KRT8: variants seen among roughly 807,000 people sequenced by gnomAD.
KRT8 encodes keratin, type II cytoskeletal 8.
KRT8 carries 24 observed loss-of-function variants against 43.0 expected under a neutral mutation model. The ratio of observed to expected loss-of-function variants is 0.56; its 90% CI spans 0.40 to 0.78. The LOEUF is 0.78. Among genes scored for constraint, KRT8 ranks in the 30% least tolerant of loss-of-function variants. KRT8 has a pLI of 0.00. For missense variants in KRT8, 492 were observed against 638.4 expected, an observed-to-expected ratio of 0.77 and a Z score of 2.47; for synonymous variants, 214 against 261.2, an observed-to-expected ratio of 0.82 and a Z score of 1.74.
intron 2 of KRT8, among the ~76,000 whole-genome samples, chr12:52,934,335 C>T (rs1038518137): frequency 1.3e-5 from 2 of 151,550 alleles, no homozygotes; most frequent in East Asian, 2.0e-4. Context: ...ATGAGGTGGG[C>T]GGATCACTTG....
chr12:52,913,872 GTTTT>G (rs960435757), intron 2 of KRT8, among the ~76,000 whole-genome samples: 8 of 152,296 alleles, frequency 5.3e-5, no homozygotes, highest in African/African-American at 1.9e-4. Flanking sequence ...AGGTTTGTTT[GTTTT>G]TTCTTTTATA....
intron 2 of KRT8, among the ~76,000 whole-genome samples, chr12:52,924,050 T>C (rs927310891): frequency 1.1e-4 from 16 of 152,072 alleles, no homozygotes; most frequent in Admixed American, 1.0e-3. Context: ...TTTTACCATG[T>C]TGGCCAGGCT....
Position 52,918,036 on chromosome 12 carries a change from G to A in KRT8, c.-46-13009C>T, listed in dbSNP as rs112658557. Among the ~76,000 whole-genome samples, 22 of 113,184 alleles carry A rather than the reference G, an allele frequency of 1.9e-4. 1 individual carries two copies. Among genetic ancestry groups the A allele is most frequent in the South Asian group, 7.4e-4 (2 of 2,700 alleles). The allele number at this position is 113,184 out of a possible 152,430, so 74.3% of individuals were successfully genotyped here. A position where few individuals can be genotyped will look rare whatever the true frequency, so the allele number is the denominator to read the frequency against. On this transcript the variant is annotated intron_variant, in intron 2 of 6. Coordinates refer to the KRT8 transcript ENST00000546826. Reference sequence around the variant, plus strand: ...AGAAGGAGAAGAAGAAGAGGAGGAGGAGAAGAAGAAGAAGAGGAAGAAGAA... The same window carrying A: ...AGAAGGAGAAGAAGAAGAGGAGGAGAAGAAGAAGAAGAAGAGGAAGAAGAA...
At chr12:52,941,127 C>T (rs990350379) in intron 2 of KRT8, among the ~76,000 whole-genome samples, 5 of 149,056 alleles carry the variant, frequency 3.4e-5, no homozygotes, top group African/African-American at 1.2e-4. Context: ...AGTGCAATGG[C>T]GCGATCTTGG....
At chr12:52,898,210 C>T (rs999839979) in intron 7 of KRT8, among the ~76,000 whole-genome samples, 2 of 152,132 alleles carry the variant, frequency 1.3e-5, no homozygotes, top group African/African-American at 2.4e-5. Context: ...CACATAAAAC[C>T]TGTAGGATAC....
chr12:52,926,332 G>GGCCCCCCCCCCCCCCCCCCCC, intron 2 of KRT8: 1 of 600,278 alleles, frequency 1.7e-6, no homozygotes, highest in East Asian at 3.3e-5. Context: ...GGCACTAGCT[G>GGCCCCCCCCCCCCCCCCCCCC]CCCTCCCCAC....
chr12:52,898,945 C>T (rs1292607743), intron 5 of KRT8, 46 bp from the exon 6 acceptor site: 2 of 1,565,144 alleles, frequency 1.3e-6, no homozygotes, highest in Non-Finnish European at 1.8e-6. Flanking sequence ...GGTATGCCTT[C>T]TCTTCTCCCG....
At chr12:52,910,551 C>T (rs377050159), upstream of KRT8, among the ~76,000 whole-genome samples, 12 of 152,216 alleles carry the variant, frequency 7.9e-5, no homozygotes, top group Non-Finnish European at 1.3e-4. Flanking sequence ...AGAGGACAGA[C>T]ACAAATGGGT....
rs1941267849 is a variant in KRT8, at chr12:52,898,353, T to C, written c.1261+108A>G. ...CCTAGGATTCTCCCAAGAACATGAG[T>C]GCTCAGGCTGAGGTCACTGTGAGCG... On this transcript the variant is annotated intron_variant, in intron 7 of 7. Coordinates refer to ENST00000692008, the Ensembl canonical transcript of KRT8. 5 of 895,104 alleles carry C rather than the reference T, an allele frequency of 5.6e-6. No individual in the cohort carries two copies. The African/African-American group carries it at 8.3e-5, about 15-fold the overall frequency. The allele number at this position is 895,104 out of a possible 1,614,324, so 55.4% of individuals were successfully genotyped here.
At chr12:52,901,077 G>A in intron 3 of KRT8, 82 bp downstream of exon 3, 1 of 1,026,432 alleles carries the variant, frequency 9.7e-7, no homozygotes, top group African/African-American at 1.6e-5. Context: ...AATATTTAGG[G>A]ACAAAACCCA....
At chr12:52,949,372 A>T in intron 2 of KRT8, 2 of 1,610,584 alleles carry the variant, frequency 1.2e-6, no homozygotes, top group Non-Finnish European at 8.5e-7. Flanking sequence ...GGCCACCGGG[A>T]TAGCCGGGGG....
At chr12:52,907,013 C>CA (rs59685896), upstream of KRT8, 6 of 275,778 alleles carry the variant, frequency 2.2e-5, no homozygotes, top group Admixed American at 9.1e-5. Context: ...CACACACACA[C>CA]CCCACACATT....
At chr12:52,919,576 C>T (rs1049470962) in intron 2 of KRT8, among the ~76,000 whole-genome samples, 2 of 151,786 alleles carry the variant, frequency 1.3e-5, no homozygotes, top group Admixed American at 1.3e-4. Flanking sequence ...CCATGGCTTT[C>T]ATTTTCAGGG....
intron 2 of KRT8, among the ~76,000 whole-genome samples, chr12:52,914,414 G>A (rs1232974361): frequency 2.6e-5 from 4 of 152,020 alleles, no homozygotes; most frequent in African/African-American, 7.3e-5. Context: ...GCGCATGCCT[G>A]TAACCCCAGC....
At chr12:52,945,835 G>C (rs1292001480) in intron 2 of KRT8, among the ~76,000 whole-genome samples, 1 of 151,900 alleles carries the variant, frequency 6.6e-6, no homozygotes, top group East Asian at 1.9e-4. Context: ...ACCCTTTCCC[G>C]GGACTGTCCT....
At chr12:52,928,245 T>C (rs1942027221) in intron 2 of KRT8, among the ~76,000 whole-genome samples, 1 of 152,114 alleles carries the variant, frequency 6.6e-6, no homozygotes, top group Non-Finnish European at 1.5e-5. Context: ...GTGTGTCTCC[T>C]CTGAGAGCCC....
At chr12:52,925,534 A>G (rs1465827082) in intron 2 of KRT8, among the ~76,000 whole-genome samples, 2 of 152,060 alleles carry the variant, frequency 1.3e-5, no homozygotes, top group East Asian at 3.9e-4. Context: ...CCCCATTGAT[A>G]CCTGAAGTGT....
chr12:52,912,998 A>G (rs891923389), intron 2 of KRT8, among the ~76,000 whole-genome samples: 3 of 152,236 alleles, frequency 2.0e-5, no homozygotes, highest in Non-Finnish European at 4.4e-5. Context: ...AGGGAGGAGC[A>G]GGAAGGAATG....
At chr12:52,919,211 G>T (rs945938099) in intron 2 of KRT8, among the ~76,000 whole-genome samples, 1 of 152,124 alleles carries the variant, frequency 6.6e-6, no homozygotes, top group African/African-American at 2.4e-5. Flanking sequence ...CAATGATGGT[G>T]GCAGTGGTAG....
Sources: allele counts gnomAD v4.1 joint callset (sites outside exome capture counted in the v4.1 genomes callset), GRCh38; gene constraint gnomAD v4.1.1; transcripts MANE v1.5; gene names NCBI Gene and HGNC (gene_info 2026-07-23, HGNC 2026-07-21).